The following L3MBTL3 variants were observed in gnomAD, a reference collection of about 807,000 sequenced individuals.
The protein encoded by L3MBTL3 is lethal(3)malignant brain tumor-like protein 3.
Under a neutral mutation model 102.3 loss-of-function variants are expected in L3MBTL3, and 27 were observed. The ratio of observed to expected loss-of-function variants is 0.26; its 90% confidence interval spans 0.19 to 0.36. L3MBTL3 has a LOEUF of 0.36. Ranked by LOEUF, L3MBTL3 falls within the 10% of genes least tolerant of loss-of-function variation. The pLI, the probability that L3MBTL3 is intolerant of heterozygous loss-of-function variation, is 1.00. For missense variants in L3MBTL3, 798 were observed against 955.3 expected (o/e 0.84, Z 2.17); for synonymous variants, 340 against 320.9 (o/e 1.06, Z -0.64).
At chr6:130,107,871 A>G (rs9388772) in intron 19 of L3MBTL3, among the ~76,000 whole-genome samples, 67,298 of 152,078 alleles carry the variant, frequency 0.44, 17,168 homozygotes, top group East Asian at 0.76. Flanking sequence ...TTCTGCATGC[A>G]TGGCCATCTA....
At chr6:130,046,209 G>A in intron 3 of L3MBTL3, among the ~76,000 whole-genome samples, 1 of 152,120 alleles carries the variant, frequency 6.6e-6, no homozygotes, top group East Asian at 1.9e-4. Context: ...ATCTTATCTA[G>A]TAAGAATAAT....
At chr6:130,091,174 T>C (rs964558665) in intron 16 of L3MBTL3, among the ~76,000 whole-genome samples, 4 of 152,186 alleles carry the variant, frequency 2.6e-5, no homozygotes, top group African/African-American at 9.7e-5. Flanking sequence ...GTTTGGTGTT[T>C]TGCTTACAAA....
At chr6:130,034,863 G>A (rs1173610884) in intron 2 of L3MBTL3, among the ~76,000 whole-genome samples, 1 of 152,212 alleles carries the variant, frequency 6.6e-6, no homozygotes, top group Non-Finnish European at 1.5e-5. Flanking sequence ...ACTCAGGAAT[G>A]GTAGGAACCA....
chr6:130,024,127 G>T (rs1018745928), intron 2 of L3MBTL3, among the ~76,000 whole-genome samples: 21 of 152,100 alleles, frequency 1.4e-4, no homozygotes, highest in African/African-American at 4.8e-4. Flanking sequence ...GCATGAGTCT[G>T]CTGGGAGATG....
chr6:130,045,326 G>A (rs1780661509), intron 3 of L3MBTL3, among the ~76,000 whole-genome samples: 1 of 152,078 alleles, frequency 6.6e-6, no homozygotes, highest in African/African-American at 2.4e-5. Context: ...ACTGTTCCCT[G>A]TTGCTGGAAT....
intron 20 of L3MBTL3, among the ~76,000 whole-genome samples, chr6:130,128,599 G>A (rs1786783227): frequency 6.6e-6 from 1 of 152,142 alleles, no homozygotes; most frequent in Admixed American, 6.5e-5. Flanking sequence ...AAAGGAAGCT[G>A]GGGAATATAG....
chr6:130,031,370 C>T (rs887320990), intron 2 of L3MBTL3, among the ~76,000 whole-genome samples: 11 of 152,198 alleles, frequency 7.2e-5, no homozygotes, highest in Non-Finnish European at 1.3e-4. Context: ...TAGCTCAGTG[C>T]CTTCCAAATG....
chr6:130,048,777 A>G (rs1259435030), intron 3 of L3MBTL3, among the ~76,000 whole-genome samples: 1 of 152,110 alleles, frequency 6.6e-6, no homozygotes, highest in South Asian at 2.1e-4. Flanking sequence ...TTGTAAGGAG[A>G]AGGATGTTCA....
Position 130,120,862 on chromosome 6 carries a change from A to G in L3MBTL3, c.1887-17A>G, listed in dbSNP as rs1221290819. 6.3e-7 allele frequency: 1 copy of G among 1,586,766 alleles called. No homozygotes were observed. The highest frequency in any genetic ancestry group is 8.6e-7 in the Non-Finnish European group (1 of 1,157,650). ...AATGTTTCTCTTATAAAATATTGAA[A>G]TGCCTGTTTTTCTTAGAGACCAGCA... On this transcript the variant is annotated splice_polypyrimidine_tract_variant and intron_variant, in intron 19 of 22. Transcript: ENST00000361794.
chr6:130,066,520 T>C, intron 11 of L3MBTL3, 32 bp downstream of exon 11: 2 of 1,587,474 alleles, frequency 1.3e-6, no homozygotes, highest in Non-Finnish European at 1.7e-6. Context: ...TATTTTAAAT[T>C]CAGTAAAAAC....
intron 6 of L3MBTL3, among the ~76,000 whole-genome samples, chr6:130,051,787 G>A (rs944747747): frequency 5.9e-5 from 9 of 152,282 alleles, no homozygotes; most frequent in African/African-American, 1.7e-4. Flanking sequence ...TAGGTAACTC[G>A]GTTAAAACTC....
chr6:130,025,387 A>G (rs1180764734), intron 2 of L3MBTL3, among the ~76,000 whole-genome samples: 3 of 152,164 alleles, frequency 2.0e-5, no homozygotes, highest in African/African-American at 7.2e-5. Flanking sequence ...TGTGGATGTA[A>G]GTCAATAGTG....
chr6:130,089,211 C>T (rs1783880609), intron 16 of L3MBTL3, among the ~76,000 whole-genome samples: 1 of 150,686 alleles, frequency 6.6e-6, no homozygotes, highest in South Asian at 2.1e-4. Context: ...TGCTATCCCT[C>T]CCCCTGCCCC....
At position 130,068,876 on chromosome 6, in the gene L3MBTL3, G is replaced by A. The variant is rs368362303; in HGVS notation, c.1092+455G>A. Among the ~76,000 whole-genome samples the A allele has an allele frequency of 3.3e-5, 5 of 152,116 alleles. No individual in the cohort carries two copies. In the East Asian group the frequency reaches 5.8e-4, roughly 18 times the overall value. On this transcript the variant is annotated intron_variant, in intron 12 of 22. Coordinates refer to ENST00000361794, the MANE Select transcript of L3MBTL3 (RefSeq NM_032438.4). Reference sequence around the variant, plus strand: ...CAGTAAACAAAAACAAAATCTGGATGTGCGTGTCTTTTCTACTTGACCGGT... The same window carrying A: ...CAGTAAACAAAAACAAAATCTGGATATGCGTGTCTTTTCTACTTGACCGGT...
rs1479720147 is a variant in L3MBTL3 at position 130,052,944 on chromosome 6, C to A, written c.535C>A (p.Leu179Met). The A allele has an allele frequency of 6.2e-7, 1 of 1,613,734 alleles. No homozygotes were observed. Among genetic ancestry groups the A allele is most frequent in the Non-Finnish European group, 8.5e-7 (1 of 1,179,790 alleles). The change falls in exon 7 of 23, where the codon CTG (leucine) becomes ATG (methionine). Residue 179 changes from leucine (L) to methionine (M), a missense_variant. Physicochemically the swap from Leu to Met is conservative, Grantham distance 15. This residue lies in a region of L3MBTL3 where 434 missense variants were observed against 506.6 expected (regional missense o/e 0.86). Transcript: ENST00000361794. ...CSRKKKPKLS[L>M]KADTKEDGEE... Reference sequence around the variant, plus strand: ...TCGGAAGAAAAAACCAAAATTATCTCTGAAAGCTGACACCAAGGAGGATGG... The same window carrying A: ...TCGGAAGAAAAAACCAAAATTATCTATGAAAGCTGACACCAAGGAGGATGG...
intron 18 of L3MBTL3, among the ~76,000 whole-genome samples, chr6:130,101,853 CAT>C (rs1491554929): frequency 2.0e-5 from 3 of 152,166 alleles, no homozygotes; most frequent in Non-Finnish European, 2.9e-5. Flanking sequence ...TCCCGTGAAA[CAT>C]ATAAAGAGAC....
rs1391572802 is a variant in L3MBTL3, at chr6:130,104,481, G to T, written c.1792G>T (p.Asp598Tyr). Reference protein sequence around the residue: ...INLNKDRIFPDRLSGEMPPAS... With the variant: ...INLNKDRIFPYRLSGEMPPAS... ...TTTGAATAAAGACCGTATTTTTCCA[G>T]ACCGCTTAAGTGGTGAGATGCCTCC... The change falls in exon 19 of 23, where the codon GAC becomes TAC. Residue 598 changes from aspartate (D) to tyrosine (Y), a missense_variant. Asp to Tyr is a radical substitution (Grantham distance 160, BLOSUM62 -3). This residue lies in a region of L3MBTL3 where 306 missense variants were observed against 314.4 expected (regional missense o/e 0.97). Transcript: ENST00000361794. The T allele has an allele frequency of 6.3e-7, 1 of 1,599,822 alleles. No individual in the cohort carries two copies. Among genetic ancestry groups the T allele is most frequent in the East Asian group, 2.3e-5 (1 of 44,164 alleles).
intron 12 of L3MBTL3, 107 bp downstream of exon 12, chr6:130,068,528 T>C: frequency 1.6e-6 from 1 of 621,768 alleles, no homozygotes; most frequent in Admixed American, 2.8e-5. Flanking sequence ...TTTATCGCCT[T>C]GGTAAATAGA....
At chr6:130,019,103 T>C (rs974646332) in intron 1 of L3MBTL3, among the ~76,000 whole-genome samples, 8 of 150,620 alleles carry the variant, frequency 5.3e-5, no homozygotes, top group Non-Finnish European at 1.2e-4. Flanking sequence ...GGCGGCCGCG[T>C]TGGGCTCAGG....
Sources: gnomAD v4.1 joint callset for allele counts (sites outside exome capture counted in the v4.1 genomes callset) on GRCh38, gnomAD v4.1.1 for gene constraint, gnomAD v4.1.1 regional missense constraint, MANE v1.5 for transcripts, NCBI Gene and HGNC (gene_info 2026-07-23, HGNC 2026-07-21) for gene names.